Variants in MYO1B observed in about 807,000 individuals in gnomAD.
The protein encoded by MYO1B is unconventional myosin-Ib.
MYO1B carries 72 observed loss-of-function variants against 159.7 expected under a neutral mutation model. That is an observed-to-expected ratio of 0.45 (90% CI 0.37 to 0.55). The LOEUF (loss-of-function observed/expected upper bound fraction) is 0.55. Among genes scored for constraint, MYO1B ranks in the 20% least tolerant of loss-of-function variants. The pLI is 0.00. For missense variants in MYO1B, 1,062 were observed against 1,364.8 expected, an observed-to-expected ratio of 0.78 and a Z score of 3.50; for synonymous variants, 468 against 473.8, an observed-to-expected ratio of 0.99 and a Z score of 0.16.
At chr2:191,366,869 GT>G (rs538825802) in intron 11 of MYO1B, among the ~76,000 whole-genome samples, 3 of 150,822 alleles carry the variant, frequency 2.0e-5, no homozygotes, top group African/African-American at 7.3e-5. Flanking sequence ...ATCAGAACCT[GT>G]TTTTTTTGCA....
intron 13 of MYO1B, among the ~76,000 whole-genome samples, chr2:191,375,219 A>C (rs2058710302): frequency 6.6e-6 from 1 of 152,228 alleles, no homozygotes; most frequent in Non-Finnish European, 1.5e-5. Flanking sequence ...GGCTGGATGC[A>C]ATGATTATTT....
At chr2:191,284,715 C>T (rs995733560) in intron 2 of MYO1B, among the ~76,000 whole-genome samples, 12 of 152,168 alleles carry the variant, frequency 7.9e-5, no homozygotes, top group African/African-American at 2.7e-4. Context: ...TCATTACAAC[C>T]TCTGCCTCCT....
chr2:191,304,809 AC>A (rs1363541804), intron 3 of MYO1B, among the ~76,000 whole-genome samples: 1 of 152,160 alleles, frequency 6.6e-6, no homozygotes, highest in Non-Finnish European at 1.5e-5. Flanking sequence ...TAATTTCTAG[AC>A]CCTCAATTAG....
At chr2:191,414,481 A>G (rs750605546) in intron 28 of MYO1B, 36 bp from the exon 29 acceptor site, 1 of 1,555,520 alleles carries the variant, frequency 6.4e-7, no homozygotes, top group Admixed American at 2.0e-5. Context: ...AGTATTTGTG[A>G]TCATTGGTTT....
At chr2:191,398,652 C>G (rs557816936) in intron 21 of MYO1B, among the ~76,000 whole-genome samples, 1 of 151,222 alleles carries the variant, frequency 6.6e-6, no homozygotes, top group Non-Finnish European at 1.5e-5. Flanking sequence ...AGAGGCGCTC[C>G]CCACTCAGAT....
intron 24 of MYO1B, 43 bp from the exon 25 acceptor site, chr2:191,408,072 C>A: frequency 7.3e-7 from 1 of 1,365,836 alleles, no homozygotes; most frequent in Non-Finnish European, 1.0e-6. Flanking sequence ...GGACCTGTAC[C>A]AGCCACACAT....
rs1333377907 is a variant in MYO1B, at chr2:191,400,404, T to G, written c.2318T>G (p.Leu773Arg). ...TAGGCTCGAAAAATTCTGCGGGAAC[T>G]GAAGCATCAAAAGCGCTGTAAGGAA... ...GWKARKILRE[L>R]KHQKRCKEAV... The change falls in exon 22 of 31, where the codon CTG (leucine) becomes CGG (arginine). Residue 773 changes from leucine to arginine, a missense_variant. By Grantham distance (102) the Leu-to-Arg change is moderately radical (BLOSUM62 -2). Around this residue, in one of 5 missense-constraint regions of MYO1B, gnomAD observed 609 missense variants for 744.4 expected, o/e 0.82. Transcript: ENST00000392318. The G allele has an allele frequency of 1.2e-6, 2 of 1,614,182 alleles. No homozygotes were observed. Among genetic ancestry groups the G allele is most frequent in the East Asian group, 2.2e-5 (1 of 44,890 alleles).
intron 5 of MYO1B, among the ~76,000 whole-genome samples, chr2:191,342,566 G>T (rs1196063769): frequency 2.0e-5 from 3 of 152,202 alleles, no homozygotes; most frequent in African/African-American, 7.2e-5. Context: ...CTGCTTTATG[G>T]CTGGGCACAG....
intron 7 of MYO1B, among the ~76,000 whole-genome samples, chr2:191,354,349 A>G (rs1257899758): frequency 6.6e-6 from 1 of 151,548 alleles, no homozygotes; most frequent in Non-Finnish European, 1.5e-5. Flanking sequence ...CACAAAAGTA[A>G]TTATGTACAG....
chr2:191,286,307 C>T (rs1248573016), intron 2 of MYO1B, among the ~76,000 whole-genome samples: 2 of 149,870 alleles, frequency 1.3e-5, no homozygotes, highest in Non-Finnish European at 3.0e-5. Flanking sequence ...GTCTAAAAAA[C>T]AACCAAAGTG....
At chr2:191,341,067 G>A (rs1692192004) in intron 4 of MYO1B, among the ~76,000 whole-genome samples, 1 of 152,128 alleles carries the variant, frequency 6.6e-6, no homozygotes. Flanking sequence ...TATCTTTGAA[G>A]AAGAGCAGTC....
intron 3 of MYO1B, among the ~76,000 whole-genome samples, chr2:191,299,844 GTAGTTGATATT>G (rs1395365686): frequency 2.6e-5 from 4 of 152,196 alleles, no homozygotes; most frequent in Admixed American, 2.6e-4. Flanking sequence ...GGCCAAATAT[GTAGTTGATATT>G]TAGATAATGA....
At chr2:191,251,530 C>A (rs1311780591) in intron 1 of MYO1B, among the ~76,000 whole-genome samples, 1 of 152,180 alleles carries the variant, frequency 6.6e-6, no homozygotes, top group Non-Finnish European at 1.5e-5. Context: ...TAAGAGGAAA[C>A]CAAATCTCTG....
chr2:191,247,906 A>T lies in MYO1B; in HGVS notation c.-10+2280A>T, dbSNP rs184962380. Reference sequence around the variant, plus strand: ...TATCCCCTTCCCAGGATGAATCATCACTTTGTCAAGCCTGGAGTTAAAGAC... The same window carrying T: ...TATCCCCTTCCCAGGATGAATCATCTCTTTGTCAAGCCTGGAGTTAAAGAC... On this transcript the variant is annotated intron_variant, in intron 1 of 30. Transcript: ENST00000392318. The T allele has an allele frequency of 2.4e-5, 24 of 983,086 alleles. No homozygotes were observed. The East Asian group carries it at 2.4e-3, about 98-fold the overall frequency. The allele number at this position is 983,086 out of a possible 1,614,324, so 60.9% of individuals were successfully genotyped here.
At chr2:191,279,820 G>A (rs752432486) in intron 2 of MYO1B, among the ~76,000 whole-genome samples, 2 of 152,100 alleles carry the variant, frequency 1.3e-5, no homozygotes, top group Non-Finnish European at 2.9e-5. Context: ...ATAAAAATGG[G>A]TGACTCTCTA....
chr2:191,374,743 G>C (rs1040657306), intron 13 of MYO1B, among the ~76,000 whole-genome samples: 2 of 152,120 alleles, frequency 1.3e-5, no homozygotes, highest in East Asian at 3.8e-4. Context: ...AAAAAATCTA[G>C]CTGTACATCC....
At chr2:191,384,923 A>G (rs2092112269) in intron 15 of MYO1B, among the ~76,000 whole-genome samples, 1 of 152,206 alleles carries the variant, frequency 6.6e-6, no homozygotes, top group African/African-American at 2.4e-5. Context: ...GATGTTATGA[A>G]CACACTTGAT....
rs544332401 is a variant in MYO1B at position 191,413,906 on chromosome 2, G to A, written c.2874-142G>A. The A allele has an allele frequency of 1.7e-4, 134 of 779,908 alleles. No homozygotes were observed. The Middle Eastern group carries it at 2.3e-3, about 13-fold the overall frequency. The allele number at this position is 779,908 out of a possible 1,614,324, so 48.3% of individuals were successfully genotyped here. ...TTTCCAACTTATATTTAGGACAGATGTAAGTGTAATATATAAAATAAATTG... is the reference window on the plus strand; with the variant it reads ...TTTCCAACTTATATTTAGGACAGATATAAGTGTAATATATAAAATAAATTG... On this transcript the variant is annotated intron_variant, in intron 27 of 30. Transcript: ENST00000392318.
At position 191,362,366 on chromosome 2, in the gene MYO1B, G is replaced by A. The variant is rs116125895; in HGVS notation, c.760G>A (p.Val254Met). The A allele has an allele frequency of 7.4e-6, 12 of 1,612,658 alleles. No individual in the cohort carries two copies. In the African/African-American group the frequency reaches 8.0e-5, roughly 11 times the overall value. Residue 254 changes from valine (V) to methionine (M), a missense_variant, in exon 9 of 31, where the codon GTG becomes ATG. By Grantham distance (21) the Val-to-Met change is conservative (BLOSUM62 1). Coordinates refer to ENST00000392318, the MANE Select transcript of MYO1B (RefSeq NM_001130158.3). ...GVDDAANFRT[V>M]RNAMQIVGFM... ...GGATGATGCAGCAAATTTTAGAACC[G>A]TGCGGGTAAGATGTAGTACTTTCAT...
Sources: gnomAD v4.1 joint callset for allele counts (sites outside exome capture counted in the v4.1 genomes callset) on GRCh38, gnomAD v4.1.1 for gene constraint, gnomAD v4.1.1 regional missense constraint, MANE v1.5 for transcripts, NCBI Gene and HGNC (gene_info 2026-07-23, HGNC 2026-07-21) for gene names.